The following DLGAP2 variants were observed in gnomAD, a reference collection of about 807,000 sequenced individuals.
DLGAP2 encodes DLG associated protein 2.
Under a neutral mutation model 100.3 loss-of-function variants are expected in DLGAP2, and 26 were observed. The observed-to-expected ratio is 0.26, with a 90% CI of 0.19 to 0.36. DLGAP2 has a LOEUF of 0.36. DLGAP2 is among the 10% of genes least tolerant of loss of function. DLGAP2 has a pLI of 1.00. For missense variants in DLGAP2, 1,858 were observed against 1,453.2 expected (o/e 1.28, Z -4.53); for synonymous variants, 886 against 630.1 (o/e 1.41, Z -6.08).
chr8:1,223,301 G>T (rs1374998286), intron 2 of DLGAP2, among the ~76,000 whole-genome samples: 1 of 152,176 alleles, frequency 6.6e-6, no homozygotes, highest in African/African-American at 2.4e-5. Context: ...TCTGTTCACA[G>T]TGTGCAGGTC....
intron 1 of DLGAP2, among the ~76,000 whole-genome samples, chr8:883,023 C>A (rs1054941902): frequency 6.6e-6 from 1 of 152,234 alleles, no homozygotes; most frequent in Non-Finnish European, 1.5e-5. Flanking sequence ...GGGCTCTGGT[C>A]CTCTAACACA....
intron 2 of DLGAP2, among the ~76,000 whole-genome samples, chr8:1,070,715 T>C (rs560962480): frequency 1.3e-5 from 2 of 152,320 alleles, no homozygotes; most frequent in East Asian, 3.9e-4. Flanking sequence ...TGGGGAAAGT[T>C]AGCCTTCAAA....
intron 3 of DLGAP2, among the ~76,000 whole-genome samples, chr8:1,351,938 G>T (rs1433494772): frequency 1.4e-4 from 12 of 84,374 alleles, no homozygotes; most frequent in Admixed American, 4.2e-4. Context: ...CTGACTGTGT[G>T]TGGAAAGGCC....
chr8:1,432,647 C>T (rs1797485139), intron 3 of DLGAP2, among the ~76,000 whole-genome samples: 2 of 152,206 alleles, frequency 1.3e-5, no homozygotes, highest in Admixed American at 6.5e-5. Flanking sequence ...TTGACATTTT[C>T]ATATTGAAGG....
intron 3 of DLGAP2, among the ~76,000 whole-genome samples, chr8:1,470,079 T>C (rs1465449686): frequency 5.3e-5 from 8 of 152,046 alleles, no homozygotes; most frequent in African/African-American, 1.7e-4. Context: ...GGAGGATCAC[T>C]TGAGCCCAGG....
chr8:1,270,440 T>G (rs1799557042), intron 3 of DLGAP2, among the ~76,000 whole-genome samples: 1 of 152,186 alleles, frequency 6.6e-6, no homozygotes, highest in Non-Finnish European at 1.5e-5. Context: ...AAAAATCATT[T>G]TCAGTATATG....
intron 3 of DLGAP2, among the ~76,000 whole-genome samples, chr8:1,383,959 G>A (rs1796154242): frequency 6.6e-6 from 1 of 152,214 alleles, no homozygotes; most frequent in South Asian, 2.1e-4. Context: ...TCATGAAGGA[G>A]ACCCACAAAT....
rs141257650 is a variant in DLGAP2, at chr8:1,504,860, C to G, written c.172+3429C>G. Among the ~76,000 whole-genome samples the G allele has an allele frequency of 1.4e-4, 22 of 152,330 alleles. No homozygotes were observed. The East Asian group carries it at 2.3e-3, about 16-fold the overall frequency. On this transcript the variant is annotated intron_variant, in intron 4 of 14. Coordinates refer to ENST00000637795, the MANE Select transcript of DLGAP2 (RefSeq NM_001346810.2). ...CGAGAGAGCAGATACCCCTTCCACA[C>G]ATCCATTTTATTCCCTTCAGAAAAA...
intron 2 of DLGAP2, chr8:927,336 A>G: frequency 4.2e-6 from 3 of 719,896 alleles, no homozygotes; most frequent in Non-Finnish European, 5.1e-6. Flanking sequence ...TCAATGACTA[A>G]AAATGACCGT....
intron 2 of DLGAP2, among the ~76,000 whole-genome samples, chr8:1,212,643 T>C (rs746155186): frequency 3.9e-5 from 6 of 152,090 alleles, no homozygotes; most frequent in African/African-American, 1.2e-4. Flanking sequence ...AAGTGACTTA[T>C]ATCTGGGTTT....
At chr8:1,022,231 C>T (rs867780315) in intron 2 of DLGAP2, among the ~76,000 whole-genome samples, 1 of 150,910 alleles carries the variant, frequency 6.6e-6, no homozygotes, top group Non-Finnish European at 1.5e-5. Context: ...AGTCCCATGC[C>T]GAGGTAGACA....
At chr8:1,253,522 C>T (rs1033575231) in intron 2 of DLGAP2, among the ~76,000 whole-genome samples, 2 of 152,242 alleles carry the variant, frequency 1.3e-5, no homozygotes, top group Admixed American at 1.3e-4. Flanking sequence ...TATGAATTTA[C>T]ACAGGAGATG....
chr8:1,695,338 C>T (rs1345084373), intron 13 of DLGAP2, among the ~76,000 whole-genome samples: 2 of 140,050 alleles, frequency 1.4e-5, no homozygotes, highest in Non-Finnish European at 1.5e-5. Context: ...CCATGCCCGG[C>T]CCTACAGAAA....
rs556093503 is a variant in DLGAP2, at chr8:1,360,597, GAATCCACAGGA to G, written c.106+101722_106+101732del. ...GCAGGTACCCCGAAAAGCACACAGG[GAATCCACAGGA>G]AATCCACCTCAGCCAGGGACATATG... On this transcript the variant is annotated intron_variant, in intron 3 of 14. Coordinates refer to ENST00000637795, the MANE Select transcript of DLGAP2 (RefSeq NM_001346810.2). 5.6e-3 allele frequency among the ~76,000 whole-genome samples: 847 copies of G among 152,260 alleles called. 3 individuals are homozygous for G. The highest frequency in any genetic ancestry group is 7.9e-3 in the Non-Finnish European group (536 of 68,018).
chr8:1,440,885 C>A (rs760030024), intron 3 of DLGAP2, among the ~76,000 whole-genome samples: 1 of 152,206 alleles, frequency 6.6e-6, no homozygotes, highest in Non-Finnish European at 1.5e-5. Context: ...TCCTAAACTG[C>A]TACTTTCATG....
chr8:1,120,310 C>T (rs775396196), intron 2 of DLGAP2, among the ~76,000 whole-genome samples: 1 of 152,182 alleles, frequency 6.6e-6, no homozygotes, highest in Non-Finnish European at 1.5e-5. Flanking sequence ...CATTAGGCAT[C>T]TTCGTTCCAG....
chr8:1,548,447 A>G (rs1208767409), intron 4 of DLGAP2, among the ~76,000 whole-genome samples, 179 bp from the exon 5 acceptor site: 1 of 124,266 alleles, frequency 8.0e-6, no homozygotes, highest in Non-Finnish European at 1.6e-5. Context: ...CGACAGAGCG[A>G]GACTGTCTCA....
At chr8:796,769 C>T (rs1796044725) in intron 1 of DLGAP2, among the ~76,000 whole-genome samples, 1 of 152,340 alleles carries the variant, frequency 6.6e-6, no homozygotes, top group Non-Finnish European at 1.5e-5. Flanking sequence ...CGCACTATAA[C>T]ATGCCAGCTG....
At chr8:830,636 A>G (rs994413409) in intron 1 of DLGAP2, among the ~76,000 whole-genome samples, 2 of 151,820 alleles carry the variant, frequency 1.3e-5, no homozygotes, top group Non-Finnish European at 2.9e-5. Flanking sequence ...CTTGTTTTCC[A>G]TCTTTTTTTC....
Sources: gnomAD v4.1 joint callset for allele counts (sites outside exome capture counted in the v4.1 genomes callset) on GRCh38, gnomAD v4.1.1 for gene constraint, MANE v1.5 for transcripts, NCBI Gene and HGNC (gene_info 2026-07-23, HGNC 2026-07-21) for gene names.